KNDC1: variants seen among roughly 807,000 people sequenced by gnomAD.
The protein encoded by KNDC1 is kinase non-catalytic C-lobe domain containing 1.
In KNDC1, 106 loss-of-function variants were observed where a neutral mutation model predicts 172.8. The observed-to-expected ratio is 0.61, with a 90% CI of 0.52 to 0.72. KNDC1 has a LOEUF of 0.72. Ranked by LOEUF, KNDC1 falls within the 30% of genes least tolerant of loss-of-function variation. KNDC1 has a pLI of 0.00. For synonymous variants in KNDC1, 1,083 were observed against 1,062.2 expected, an observed-to-expected ratio of 1.02 and a Z score of -0.38; for missense variants, 2,325 against 2,394.5, an observed-to-expected ratio of 0.97 and a Z score of 0.61.
chr10:133,168,242 C>G lies in KNDC1; in HGVS notation c.302-12C>G. On this transcript the variant is annotated splice_polypyrimidine_tract_variant and intron_variant, in intron 2 of 29. Coordinates refer to ENST00000304613, the MANE Select transcript of KNDC1 (RefSeq NM_152643.8). ...CCAGAAGCCTTCTCTCCTTCTCTCT[C>G]TCCTCCCCAAGACGACCCTGAGGGT... is the stretch of plus-strand genomic sequence containing the variant. 1 of 1,613,630 alleles carries G rather than the reference C, an allele frequency of 6.2e-7. No individual in the cohort carries two copies. The highest frequency in any genetic ancestry group is 1.1e-5 in the South Asian group (1 of 91,078).
At chr10:133,200,084 C>T (rs978902857) in intron 15 of KNDC1, among the ~76,000 whole-genome samples, 10 of 152,242 alleles carry the variant, frequency 6.6e-5, no homozygotes, top group East Asian at 3.9e-4. Flanking sequence ...AGCTCCTCCG[C>T]GTGCGTGTGG....
chr10:133,193,539 G>A (rs1004145348), intron 9 of KNDC1, among the ~76,000 whole-genome samples: 1 of 151,340 alleles, frequency 6.6e-6, no homozygotes, highest in Admixed American at 6.6e-5. Flanking sequence ...AATAAATAAA[G>A]GAGGAAGAAG....
At chr10:133,222,304 G>C (rs1409296110) in intron 29 of KNDC1, among the ~76,000 whole-genome samples, 5 of 151,918 alleles carry the variant, frequency 3.3e-5, no homozygotes, top group African/African-American at 1.2e-4. Flanking sequence ...AAAACTTAAG[G>C]TGATGCTCAA....
Position 133,209,507 on chromosome 10 carries a change from T to C in KNDC1, c.3795-1104T>C, listed in dbSNP as rs1845310383. ...GTGGTGTGCGCGTCTGGTTGTGGAGTTCTGTGTGGCTTTGTGCATGTGTGT... is the reference window on the plus strand; with the variant it reads ...GTGGTGTGCGCGTCTGGTTGTGGAGCTCTGTGTGGCTTTGTGCATGTGTGT... On this transcript the variant is annotated intron_variant, in intron 20 of 29. Coordinates refer to ENST00000304613, the MANE Select transcript of KNDC1 (RefSeq NM_152643.8). The surrounding 1 kb of genome is among the most constrained non-coding windows in gnomAD (Gnocchi z 4.9). 6.6e-6 allele frequency among the ~76,000 whole-genome samples: 1 copy of C among 150,722 alleles called. No homozygotes were observed. The highest frequency in any genetic ancestry group is 1.5e-5 in the Non-Finnish European group (1 of 67,600).
chr10:133,199,456 A>G lies in KNDC1; in HGVS notation c.2759-2A>G, dbSNP rs769646149. Reference sequence around the variant, plus strand: ...CTTGTCTCCATCGTTTTGCAAAACCAGGGGAGTACATCTTCGCCTTGAAAG... The same window carrying G: ...CTTGTCTCCATCGTTTTGCAAAACCGGGGGAGTACATCTTCGCCTTGAAAG... On this transcript the variant is annotated splice_acceptor_variant, in intron 14 of 29. Coordinates refer to ENST00000304613, the MANE Select transcript of KNDC1 (RefSeq NM_152643.8). LOFTEE classifies it high-confidence loss of function. 1.9e-6 allele frequency: 3 copies of G among 1,613,340 alleles called. No homozygotes were observed. The highest frequency in any genetic ancestry group is 1.7e-6 in the Non-Finnish European group (2 of 1,179,790).
intron 26 of KNDC1, among the ~76,000 whole-genome samples, chr10:133,216,878 G>A (rs536073513): frequency 1.3e-5 from 2 of 152,338 alleles, no homozygotes; most frequent in South Asian, 4.1e-4. Context: ...GACGCCTGCG[G>A]CAGCACGATG....
intron 1 of KNDC1, among the ~76,000 whole-genome samples, chr10:133,161,000 C>A (rs1338021144): frequency 6.6e-6 from 1 of 152,026 alleles, no homozygotes; most frequent in East Asian, 1.9e-4. Flanking sequence ...GGGGGGAGCG[C>A]TGGATGACTG....
At position 133,194,440 on chromosome 10, in the gene KNDC1, A is replaced by G. The variant is rs1172061722; in HGVS notation, c.1576-1223A>G. Reference sequence around the variant, plus strand: ...TGAGATACTGGACTATATCAGTATCAGTATTTTGCAAGCTGCTACTGTTGT... The same window carrying G: ...TGAGATACTGGACTATATCAGTATCGGTATTTTGCAAGCTGCTACTGTTGT... On this transcript the variant is annotated intron_variant, in intron 9 of 29. Transcript: ENST00000304613. Among the ~76,000 whole-genome samples the G allele has an allele frequency of 2.1e-5, 3 of 145,650 alleles. No individual in the cohort carries two copies. The East Asian group carries it at 5.8e-4, about 28-fold the overall frequency.
Position 133,160,575 on chromosome 10 carries a change from C to T in KNDC1, c.102+6C>T, listed in dbSNP as rs757860077. 9 of 1,554,326 alleles carry T rather than the reference C, an allele frequency of 5.8e-6. No homozygotes were observed. Among genetic ancestry groups the T allele is most frequent in the Non-Finnish European group, 7.8e-6 (9 of 1,148,918 alleles). On this transcript the variant is annotated splice_donor_region_variant and intron_variant, in intron 1 of 29. Transcript: ENST00000304613. ...CCACCCTCCCCGAGGACGAGGTGAG[C>T]CCCCGGCCCCACTGGGGGGCCCCTT...
intron 20 of KNDC1, among the ~76,000 whole-genome samples, 161 bp from the exon 21 acceptor site, chr10:133,210,450 G>A (rs985212612): frequency 6.0e-5 from 9 of 151,132 alleles, no homozygotes; most frequent in African/African-American, 2.2e-4. Flanking sequence ...GAAATTTGAG[G>A]GTTATCCATG....
intron 6 of KNDC1, among the ~76,000 whole-genome samples, chr10:133,187,255 C>T (rs1447172933): frequency 6.6e-6 from 1 of 152,252 alleles, no homozygotes; most frequent in Non-Finnish European, 1.5e-5. Flanking sequence ...CCCAGTGCTG[C>T]CCCTGGTCAG....
At chr10:133,203,481 G>A (rs1398763976) in intron 17 of KNDC1, among the ~76,000 whole-genome samples, 3 of 152,242 alleles carry the variant, frequency 2.0e-5, no homozygotes, top group African/African-American at 2.4e-5. Context: ...TTTCACATCC[G>A]CAGCCCAAAA....
At chr10:133,196,489 G>A (rs1179952435) in intron 10 of KNDC1, among the ~76,000 whole-genome samples, 2 of 152,172 alleles carry the variant, frequency 1.3e-5, no homozygotes, top group East Asian at 1.9e-4. Context: ...GAGCGGAGAC[G>A]GCCATGGGGT....
chr10:133,161,668 A>G (rs1852974592), intron 1 of KNDC1, among the ~76,000 whole-genome samples: 1 of 151,914 alleles, frequency 6.6e-6, no homozygotes, highest in African/African-American at 2.4e-5. Context: ...GATTCGGTGC[A>G]GTTGAAGGCT....
Position 133,163,928 on chromosome 10 carries a change from ACCTGCCTT to A in KNDC1, c.102+3362_102+3369del, listed in dbSNP as rs1853062018. 1.8e-4 allele frequency among the ~76,000 whole-genome samples: 24 copies of A among 134,718 alleles called. No individual in the cohort carries two copies. The highest frequency in any genetic ancestry group is 3.8e-4 in the Admixed American group (5 of 13,296). 88.4% of individuals were successfully genotyped at this position (134,718 alleles called of 152,430 possible). On this transcript the variant is annotated intron_variant, in intron 1 of 29. Coordinates refer to ENST00000304613, the MANE Select transcript of KNDC1 (RefSeq NM_152643.8). The surrounding 1 kb of genome is among the most constrained non-coding windows in gnomAD (Gnocchi z 4.4). Reference sequence around the variant, plus strand: ...TGGGATGGGGGTGGAGTTCGTGGCCACCTGCCTTCCCAAATCCCTCCTCCCACCTGGGA... The same window carrying A: ...TGGGATGGGGGTGGAGTTCGTGGCCACCCAAATCCCTCCTCCCACCTGGGA...
chr10:133,197,930 C>G (rs1013872959), intron 12 of KNDC1, among the ~76,000 whole-genome samples, 162 bp downstream of exon 12: 32 of 152,266 alleles, frequency 2.1e-4, no homozygotes, highest in Non-Finnish European at 4.0e-4. Flanking sequence ...CCTGCCTGCC[C>G]CTGCCAGCCC....
chr10:133,206,407 C>T (rs1589766987), intron 17 of KNDC1, among the ~76,000 whole-genome samples: 1 of 152,148 alleles, frequency 6.6e-6, no homozygotes. Flanking sequence ...CCCTGAGCAT[C>T]CCCCACAAGG....
chr10:133,188,657 A>T lies in KNDC1; in HGVS notation c.1441+4A>T. 1 of 1,552,166 alleles carries T rather than the reference A, an allele frequency of 6.4e-7. No homozygotes were observed. The highest frequency in any genetic ancestry group is 8.7e-7 in the Non-Finnish European group (1 of 1,148,296). On this transcript the variant is annotated splice_donor_region_variant and intron_variant, in intron 7 of 29. Coordinates refer to ENST00000304613, the MANE Select transcript of KNDC1 (RefSeq NM_152643.8). ...CAGACACGCCCTGAGCACCCAGGTG[A>T]CGCACGCACCATCCCATCCCCCCCG... is the stretch of plus-strand genomic sequence containing the variant.
chr10:133,203,916 G>A (rs978945480), intron 17 of KNDC1, among the ~76,000 whole-genome samples: 1 of 152,252 alleles, frequency 6.6e-6, no homozygotes, highest in African/African-American at 2.4e-5. Context: ...GCCGGCCAGA[G>A]AGGAGTCTGC....
Sources: allele counts gnomAD v4.1 joint callset (sites outside exome capture counted in the v4.1 genomes callset), GRCh38; gene constraint gnomAD v4.1.1; non-coding constraint Gnocchi (gnomAD v3.1); transcripts MANE v1.5; gene names NCBI Gene and HGNC (gene_info 2026-07-23, HGNC 2026-07-21).